Variants in COL5A2 observed in about 807,000 individuals in gnomAD.
The protein encoded by COL5A2 is collagen type V alpha 2 chain, also known as collagen alpha-2(V) chain.
COL5A2 carries 23 observed loss-of-function variants against 208.2 expected under a neutral mutation model. That is an observed-to-expected ratio of 0.11 (90% CI 0.08 to 0.16). The LOEUF is 0.16. Ranked by LOEUF, COL5A2 falls within the 10% of genes least tolerant of loss-of-function variation. COL5A2 has a pLI of 1.00. For synonymous variants in COL5A2, 625 were observed against 628.5 expected, an observed-to-expected ratio of 0.99 and a Z score of 0.08; for missense variants, 1,590 against 1,956.4, an observed-to-expected ratio of 0.81 and a Z score of 3.53.
At chr2:189,387,010 C>A in the COL5A2 span, among the ~76,000 whole-genome samples, 3 of 152,216 alleles carry the variant, frequency 2.0e-5, no homozygotes, top group African/African-American at 7.2e-5. Flanking sequence ...AGGATACATG[C>A]ACCCATATGT....
chr2:189,159,217 G>T (rs1177738790), intron 1 of COL5A2, among the ~76,000 whole-genome samples: 1 of 152,168 alleles, frequency 6.6e-6, no homozygotes, highest in East Asian at 1.9e-4. Flanking sequence ...ATTTGGTTCA[G>T]ATGTGGTCTC....
intron 1 of COL5A2, among the ~76,000 whole-genome samples, chr2:189,193,702 T>C (rs1688959112): frequency 6.6e-6 from 1 of 152,166 alleles, no homozygotes; most frequent in Non-Finnish European, 1.5e-5. Context: ...TGACTTACAG[T>C]TCTTCCTGTA....
chr2:189,058,355 T>A (rs1204761001), intron 33 of COL5A2, 74 bp downstream of exon 33: 1 of 1,136,760 alleles, frequency 8.8e-7, no homozygotes, highest in African/African-American at 1.5e-5. Context: ...ACAAATGCAT[T>A]CTCACACCAT....
chr2:189,127,142 A>T (rs1204991127), intron 1 of COL5A2, among the ~76,000 whole-genome samples: 1 of 152,092 alleles, frequency 6.6e-6, no homozygotes, highest in Non-Finnish European at 1.5e-5. Context: ...AGTAGAATTT[A>T]TCCAGAAACG....
upstream of COL5A2, among the ~76,000 whole-genome samples, chr2:189,184,406 G>A (rs1214755325): frequency 2.0e-5 from 3 of 152,116 alleles, no homozygotes; most frequent in African/African-American, 4.8e-5. Context: ...GGCATAAAAC[G>A]CTAATATCTT....
In COL5A2 at chr2:189,080,078, T is replaced by A. The variant is rs749597916; in HGVS notation, c.907-47A>T. ...TGTATTTGTATCCTGTTTTTTTCAATCCTCAAAGGCATAAGAACCAAAAAT... is the reference window on the plus strand; with the variant it reads ...TGTATTTGTATCCTGTTTTTTTCAAACCTCAAAGGCATAAGAACCAAAAAT... On this transcript the variant is annotated intron_variant, in intron 13 of 53. Coordinates refer to ENST00000374866, the MANE Select transcript of COL5A2 (RefSeq NM_000393.5). 8 of 1,469,284 alleles carry A rather than the reference T, an allele frequency of 5.4e-6. No homozygotes were observed. The Admixed American group carries it at 1.3e-4, about 25-fold the overall frequency. The allele number at this position is 1,469,284 out of a possible 1,614,324, so 91.0% of individuals were successfully genotyped here. A position where few individuals can be genotyped will look rare whatever the true frequency, so the allele number is the denominator to read the frequency against.
At chr2:189,431,866 G>A in the COL5A2 span, among the ~76,000 whole-genome samples, 3 of 152,028 alleles carry the variant, frequency 2.0e-5, no homozygotes, top group Non-Finnish European at 4.4e-5. Flanking sequence ...GATACTCCTC[G>A]AGAAGAGCAA....
At chr2:189,097,798 C>A in intron 5 of COL5A2, 1 of 415,876 alleles carries the variant, frequency 2.4e-6, no homozygotes, top group South Asian at 1.8e-5. Context: ...CATCACTGTT[C>A]AAGTTGCTGA....
At chr2:189,120,167 C>T (rs1276767217) in intron 1 of COL5A2, among the ~76,000 whole-genome samples, 1 of 152,064 alleles carries the variant, frequency 6.6e-6, no homozygotes, top group Non-Finnish European at 1.5e-5. Context: ...GAGAATGAGA[C>T]ATTTGGAGTT....
In COL5A2 at chr2:189,101,066, T is replaced by G. The variant is rs530302240; in HGVS notation, c.337-927A>C. Among the ~76,000 whole-genome samples, 66 of 152,170 alleles carry G rather than the reference T, an allele frequency of 4.3e-4. No homozygotes were observed. The South Asian group carries it at 7.3e-3, about 17-fold the overall frequency. On this transcript the variant is annotated intron_variant, in intron 3 of 53. Coordinates refer to ENST00000374866, the MANE Select transcript of COL5A2 (RefSeq NM_000393.5). ...AGTCATGGTTGTGTCTTAGTCTACTTCACATGCTCAGCATAGCAAATGGAA... is the reference window on the plus strand; with the variant it reads ...AGTCATGGTTGTGTCTTAGTCTACTGCACATGCTCAGCATAGCAAATGGAA...
chr2:189,040,605 T>C (rs1248099712), intron 50 of COL5A2, among the ~76,000 whole-genome samples: 3 of 152,212 alleles, frequency 2.0e-5, no homozygotes, highest in Admixed American at 2.0e-4. Flanking sequence ...TCCAGACAAG[T>C]TGCTTTTACC....
chr2:189,383,469 C>T, the COL5A2 span, among the ~76,000 whole-genome samples: 24 of 152,222 alleles, frequency 1.6e-4, no homozygotes, highest in Admixed American at 5.9e-4. Context: ...GGTGTCAAGG[C>T]TTCAACGTAT....
chr2:189,212,180 G>A (rs552697061), intron 1 of COL5A2, among the ~76,000 whole-genome samples: 2 of 152,208 alleles, frequency 1.3e-5, no homozygotes, highest in Admixed American at 6.5e-5. Context: ...CATAGACAAC[G>A]TGGCCTCCTT....
chr2:189,321,037 C>A, the COL5A2 span, among the ~76,000 whole-genome samples: 1 of 152,186 alleles, frequency 6.6e-6, no homozygotes, highest in African/African-American at 2.4e-5. Context: ...AAAGAATTTT[C>A]AACCCAGAAT....
At chr2:189,194,538 C>A (rs1688973314) in intron 1 of COL5A2, among the ~76,000 whole-genome samples, 3 of 152,276 alleles carry the variant, frequency 2.0e-5, no homozygotes, top group Middle Eastern at 3.4e-3. Context: ...ATGTACAGGT[C>A]TTTTAATGGC....
the COL5A2 span, among the ~76,000 whole-genome samples, chr2:189,371,623 G>A: frequency 3.3e-5 from 5 of 152,182 alleles, no homozygotes; most frequent in African/African-American, 1.2e-4. Flanking sequence ...GGAATCTGTG[G>A]AAGTTTAAGC....
chr2:189,174,941 T>C (rs1041460111), intron 1 of COL5A2, among the ~76,000 whole-genome samples: 1 of 152,196 alleles, frequency 6.6e-6, no homozygotes, highest in Non-Finnish European at 1.5e-5. Context: ...AAATGTAGCC[T>C]AATATTTATG....
At chr2:189,055,917 G>A (rs186422806) in intron 35 of COL5A2, among the ~76,000 whole-genome samples, 28 of 152,248 alleles carry the variant, frequency 1.8e-4, no homozygotes, top group Non-Finnish European at 3.4e-4. Context: ...GGACATCCAT[G>A]ATGTAAAATA....
At chr2:189,175,804 C>G (rs1366067635) in intron 1 of COL5A2, among the ~76,000 whole-genome samples, 1 of 151,944 alleles carries the variant, frequency 6.6e-6, no homozygotes, top group Non-Finnish European at 1.5e-5. Context: ...CCGCCCACCT[C>G]GGCCTCCCAA....
Sources: gnomAD v4.1 joint callset for allele counts (sites outside exome capture counted in the v4.1 genomes callset) on GRCh38, gnomAD v4.1.1 for gene constraint, MANE v1.5 for transcripts, NCBI Gene and HGNC (gene_info 2026-07-23, HGNC 2026-07-21) for gene names.